The following CREB5 variants were observed in gnomAD, a reference collection of about 807,000 sequenced individuals.
CREB5 encodes cAMP responsive element binding protein 5.
In CREB5, 19 loss-of-function variants were observed where a neutral mutation model predicts 57.1. That is an observed-to-expected ratio of 0.33 (90% CI 0.23 to 0.49). CREB5 has a LOEUF of 0.49. CREB5 is among the 20% of genes least tolerant of loss of function. CREB5 has a pLI of 0.99. For missense variants in CREB5, 579 were observed against 671.6 expected, an observed-to-expected ratio of 0.86 and a Z score of 1.52; for synonymous variants, 238 against 238.3, an observed-to-expected ratio of 1.00 and a Z score of 0.01.
intron 1 of CREB5, among the ~76,000 whole-genome samples, chr7:28,307,805 G>A (rs952354708): frequency 1.3e-5 from 2 of 152,258 alleles, no homozygotes; most frequent in African/African-American, 2.4e-5. Flanking sequence ...AGGGAGCTGG[G>A]TGAGGAGGAA....
At chr7:28,629,657 A>G (rs1798130041) in intron 5 of CREB5, among the ~76,000 whole-genome samples, 1 of 152,188 alleles carries the variant, frequency 6.6e-6, no homozygotes, top group Non-Finnish European at 1.5e-5. Context: ...CCTTTGCTTC[A>G]TGGCAGTCAT....
intron 1 of CREB5, among the ~76,000 whole-genome samples, chr7:28,377,342 T>C (rs753977102): frequency 4.6e-5 from 7 of 152,136 alleles, no homozygotes; most frequent in Non-Finnish European, 7.4e-5. Flanking sequence ...TTATACTGAT[T>C]ATATGTTGAA....
At position 28,603,174 on chromosome 7, in the gene CREB5, T is replaced by C. The variant is rs1184396013; in HGVS notation, c.464+32637T>C. ...GATAATCACTCAAAAGATGGCCTAATTGGCTGACTGCTCTTTGAATGTGAG... is the reference window on the plus strand; with the variant it reads ...GATAATCACTCAAAAGATGGCCTAACTGGCTGACTGCTCTTTGAATGTGAG... On this transcript the variant is annotated intron_variant, in intron 5 of 10. Coordinates refer to ENST00000357727, the MANE Select transcript of CREB5 (RefSeq NM_182898.4). 2.0e-5 allele frequency among the ~76,000 whole-genome samples: 3 copies of C among 152,218 alleles called. No homozygotes were observed. The East Asian group carries it at 5.8e-4, about 29-fold the overall frequency.
intron 5 of CREB5, among the ~76,000 whole-genome samples, chr7:28,689,167 A>G (rs1457587779): frequency 1.3e-5 from 2 of 152,150 alleles, no homozygotes; most frequent in Non-Finnish European, 2.9e-5. Flanking sequence ...ATACATTTAC[A>G]TGCATTCATA....
intron 4 of CREB5, among the ~76,000 whole-genome samples, chr7:28,524,748 T>C (rs1468711502): frequency 3.9e-5 from 6 of 152,218 alleles, no homozygotes; most frequent in Non-Finnish European, 7.3e-5. Flanking sequence ...GATAGATGTG[T>C]TATTTTGATA....
At chr7:28,597,908 G>T (rs1286454637) in intron 5 of CREB5, among the ~76,000 whole-genome samples, 2 of 152,180 alleles carry the variant, frequency 1.3e-5, no homozygotes, top group Non-Finnish European at 2.9e-5. Context: ...TTTGAATTCT[G>T]AGAAGGTAGA....
At position 28,715,783 on chromosome 7, in the gene CREB5, T is replaced by G. The variant is rs139435600; in HGVS notation, c.465-2970T>G. On this transcript the variant is annotated intron_variant, in intron 5 of 10. Coordinates refer to ENST00000357727, the MANE Select transcript of CREB5 (RefSeq NM_182898.4). ...TGTAGAACAATAACCTCAAAATTAT[T>G]CAGAATCCAAACATATAGGGATCTC... 4.6e-5 allele frequency among the ~76,000 whole-genome samples: 7 copies of G among 152,272 alleles called. No homozygotes were observed. The East Asian group carries it at 1.4e-3, about 29-fold the overall frequency.
chr7:28,508,172 A>G (rs1792559847), intron 4 of CREB5, among the ~76,000 whole-genome samples: 1 of 152,180 alleles, frequency 6.6e-6, no homozygotes, highest in African/African-American at 2.4e-5. Context: ...TCCTGGTCAT[A>G]TTACCTTGTT....
chr7:28,560,945 T>TGCGTGC lies in CREB5; in HGVS notation c.292-9419_292-9418insCGTGCG, dbSNP rs74219241. Among the ~76,000 whole-genome samples the TGCGTGC allele has an allele frequency of 7.2e-4, 17 of 23,768 alleles. 1 individual carries two copies. The South Asian group carries it at 0.01, about 14-fold the overall frequency. The allele number at this position is 23,768 out of a possible 152,430, so 15.6% of individuals were successfully genotyped here. On this transcript the variant is annotated intron_variant, in intron 4 of 10. Transcript: ENST00000357727. ...GTGCGCGTGCGTGTGTGCGTGCGTG[T>TGCGTGC]GTGTGCGTGTGTGTGCGTGTGTGTG...
upstream of CREB5, chr7:28,410,166 G>A: frequency 2.3e-6 from 1 of 427,832 alleles, no homozygotes; most frequent in Non-Finnish European, 4.7e-6. Context: ...CGCGCGCCCG[G>A]GGAGGGGAGG....
intron 1 of CREB5, among the ~76,000 whole-genome samples, chr7:28,348,408 T>TCTCA (rs1376338798): frequency 0.01 from 1,212 of 118,220 alleles, 16 homozygotes; most frequent in African/African-American, 0.033. Context: ...TCTCTCTCTC[T>TCTCA]CACACACACA....
intron 3 of CREB5, among the ~76,000 whole-genome samples, chr7:28,496,239 A>G (rs1476622341): frequency 6.6e-6 from 1 of 152,224 alleles, no homozygotes; most frequent in East Asian, 1.9e-4. Flanking sequence ...TCACCTTAGC[A>G]CTTCTCTCCT....
At chr7:28,589,960 C>T (rs1157614267) in intron 5 of CREB5, among the ~76,000 whole-genome samples, 2 of 152,164 alleles carry the variant, frequency 1.3e-5, no homozygotes, top group African/African-American at 4.8e-5. Context: ...ATAGGAAAGA[C>T]ATTATATCTG....
chr7:28,784,197 G>C (rs1433754734), intron 7 of CREB5, among the ~76,000 whole-genome samples: 1 of 152,242 alleles, frequency 6.6e-6, no homozygotes, highest in Non-Finnish European at 1.5e-5. Flanking sequence ...GACACTTCAA[G>C]TCTTGGGGCT....
chr7:28,515,432 G>T (rs993427098), intron 4 of CREB5, among the ~76,000 whole-genome samples: 3 of 151,996 alleles, frequency 2.0e-5, no homozygotes, highest in African/African-American at 7.3e-5. Flanking sequence ...TTCCTTTATC[G>T]TACATCTAGC....
intron 7 of CREB5, among the ~76,000 whole-genome samples, chr7:28,774,748 A>G (rs1806525753): frequency 6.6e-6 from 1 of 152,194 alleles, no homozygotes; most frequent in African/African-American, 2.4e-5. Flanking sequence ...CCATAACTCA[A>G]ATACTGCAAA....
intron 3 of CREB5, among the ~76,000 whole-genome samples, 169 bp from the exon 4 acceptor site, chr7:28,507,447 C>A (rs142427668): frequency 6.6e-6 from 1 of 152,246 alleles, no homozygotes; most frequent in Admixed American, 6.5e-5. Flanking sequence ...TCGGAATTTA[C>A]GGTTTTATTT....
At chr7:28,782,431 A>G (rs147991230) in intron 7 of CREB5, among the ~76,000 whole-genome samples, 65 of 152,364 alleles carry the variant, frequency 4.3e-4, no homozygotes, top group African/African-American at 1.4e-3. Flanking sequence ...AATTTCTAAA[A>G]TGAGATAAAA....
intron 7 of CREB5, among the ~76,000 whole-genome samples, chr7:28,767,330 TAGAG>T (rs1283790119): frequency 2.0e-5 from 3 of 152,194 alleles, no homozygotes; most frequent in Non-Finnish European, 2.9e-5. Flanking sequence ...ATATCGAACA[TAGAG>T]AGAAAGAGAA....
Sources: gnomAD v4.1 joint callset for allele counts (sites outside exome capture counted in the v4.1 genomes callset) on GRCh38, gnomAD v4.1.1 for gene constraint, MANE v1.5 for transcripts, NCBI Gene and HGNC (gene_info 2026-07-23, HGNC 2026-07-21) for gene names.